SOS1: variants seen among roughly 807,000 people sequenced by gnomAD.
The protein encoded by SOS1 is SOS Ras/Rac guanine nucleotide exchange factor 1, also known as son of sevenless homolog 1.
SOS1 carries 25 observed loss-of-function variants against 157.6 expected under a neutral mutation model. That is an observed-to-expected ratio of 0.16 (90% CI 0.12 to 0.22). The LOEUF is 0.22. Among genes scored for constraint, SOS1 ranks in the 10% least tolerant of loss-of-function variants. The probability of loss-of-function intolerance (pLI) is 1.00; values close to 1 mark genes in which losing one functional copy is unlikely to be tolerated. For missense variants in SOS1, 1,237 were observed against 1,599.1 expected, an observed-to-expected ratio of 0.77 and a Z score of 3.86; for synonymous variants, 528 against 534.0, an observed-to-expected ratio of 0.99 and a Z score of 0.16.
chr2:39,006,158 G>T (rs1477431920), intron 17 of SOS1, among the ~76,000 whole-genome samples: 2 of 152,116 alleles, frequency 1.3e-5, no homozygotes, highest in African/African-American at 4.8e-5. Context: ...AATTAAAAAG[G>T]CTTTTATAAA....
At chr2:39,062,344 G>GGA (rs917077612) in intron 2 of SOS1, among the ~76,000 whole-genome samples, 6 of 151,382 alleles carry the variant, frequency 4.0e-5, no homozygotes, top group African/African-American at 1.5e-4. Flanking sequence ...CTTGAACCTG[G>GGA]GAGGCGAAAG....
intron 1 of SOS1, among the ~76,000 whole-genome samples, chr2:39,084,765 TATC>T (rs1672317303): frequency 6.6e-6 from 1 of 152,216 alleles, no homozygotes; most frequent in Non-Finnish European, 1.5e-5. Flanking sequence ...GCTAAATTCA[TATC>T]ATTTTTCATG....
intron 17 of SOS1, among the ~76,000 whole-genome samples, chr2:39,002,311 G>A (rs564099327): frequency 6.6e-6 from 1 of 151,880 alleles, no homozygotes; most frequent in South Asian, 2.1e-4. Context: ...GGCAACAAAA[G>A]TGAAACTGTC....
chr2:39,015,826 T>TA (rs1553354982), intron 10 of SOS1, among the ~76,000 whole-genome samples: 2 of 148,720 alleles, frequency 1.3e-5, no homozygotes, highest in Admixed American at 6.7e-5. Context: ...TTTTTTTTTT[T>TA]AAGGAGGGGA....
At chr2:39,068,711 A>G (rs1671677279) in intron 1 of SOS1, among the ~76,000 whole-genome samples, 1 of 151,362 alleles carries the variant, frequency 6.6e-6, no homozygotes, top group South Asian at 2.1e-4. Flanking sequence ...TTTTTTTATG[A>G]AAAGTTTTAC....
intron 1 of SOS1, among the ~76,000 whole-genome samples, chr2:39,097,851 C>A (rs933920808): frequency 3.3e-5 from 5 of 152,188 alleles, no homozygotes; most frequent in South Asian, 2.1e-4. Flanking sequence ...AGGTGTGAGC[C>A]ACTTTGCCCA....
At chr2:39,098,863 A>T (rs1672865716) in intron 1 of SOS1, among the ~76,000 whole-genome samples, 2 of 152,278 alleles carry the variant, frequency 1.3e-5, no homozygotes, top group South Asian at 2.1e-4. Context: ...CACTCCAGCC[A>T]GGGCAACAAA....
In SOS1 at chr2:39,087,153, G is replaced by A. The variant is rs148179948; in HGVS notation, c.88-19400C>T. 1.4e-3 allele frequency among the ~76,000 whole-genome samples: 212 copies of A among 152,088 alleles called. 1 individual carries two copies. The highest frequency in any genetic ancestry group is 4.7e-3 in the African/African-American group (194 of 41,468). On this transcript the variant is annotated intron_variant, in intron 1 of 22. Transcript: ENST00000402219. ...TTATAGTATTATGCACAAATGGTTG[G>A]GTATAGAGGCCGCTTCAATGCAAGG...
chr2:39,020,812 G>A (rs1328627761), intron 10 of SOS1, among the ~76,000 whole-genome samples: 1 of 151,642 alleles, frequency 6.6e-6, no homozygotes, highest in Non-Finnish European at 1.5e-5. Flanking sequence ...CACGAAAGCT[G>A]CTTGTAGACT....
At chr2:39,030,282 G>T (rs928758946) in intron 8 of SOS1, among the ~76,000 whole-genome samples, 1 of 138,198 alleles carries the variant, frequency 7.2e-6, no homozygotes, top group African/African-American at 2.7e-5. Context: ...GGAAAGAAAA[G>T]GCTGGGTGCA....
intron 8 of SOS1, among the ~76,000 whole-genome samples, chr2:39,028,176 C>T (rs747902107): frequency 6.6e-6 from 1 of 152,078 alleles, no homozygotes; most frequent in African/African-American, 2.4e-5. Context: ...TAACTTTTCA[C>T]AAGAAAGAAA....
chr2:39,117,074 G>A (rs535833975), intron 1 of SOS1, among the ~76,000 whole-genome samples: 126 of 149,560 alleles, frequency 8.4e-4, no homozygotes, highest in African/African-American at 2.6e-3. Context: ...TGTTGCCCAG[G>A]TTGGAGTGCA....
intron 1 of SOS1, 124 bp downstream of exon 1, chr2:39,120,212 C>T: frequency 2.3e-6 from 2 of 867,356 alleles, no homozygotes; most frequent in Non-Finnish European, 3.2e-6. Flanking sequence ...GTGCGCCGTC[C>T]TTTTGGAGAC....
In SOS1 at chr2:38,985,585, TC is replaced by T; in HGVS notation, c.*238del. The T allele has an allele frequency of 2.0e-6, 1 of 494,624 alleles. No individual in the cohort carries two copies. The allele number at this position is 494,624 out of a possible 1,614,324, so 30.6% of individuals were successfully genotyped here. A position where few individuals can be genotyped will look rare whatever the true frequency, so the allele number is the denominator to read the frequency against. ...GCCAGAAAAAGTCCCTTTATGATTTTCAGGTGCAATCAGTTGTCCAATTCCT... is the reference window on the plus strand; with the variant it reads ...GCCAGAAAAAGTCCCTTTATGATTTTAGGTGCAATCAGTTGTCCAATTCCT... On this transcript the variant is annotated 3_prime_UTR_variant, in exon 23 of 23. Coordinates refer to ENST00000402219, the MANE Select transcript of SOS1 (RefSeq NM_005633.4).
chr2:39,109,210 A>G (rs1673322708), intron 1 of SOS1, among the ~76,000 whole-genome samples: 1 of 152,180 alleles, frequency 6.6e-6, no homozygotes, highest in Non-Finnish European at 1.5e-5. Context: ...AAAAAATAAA[A>G]TAATAAAATG....
At position 39,004,392 on chromosome 2, in the gene SOS1, G is replaced by A. The variant is rs144054948; in HGVS notation, c.2791+2020C>T. The stretch of plus-strand genomic sequence containing the variant: ...ACTGCATTCCAGCCTGGGTGACAGA[G>A]CAAGACTCTGTGTCAAAAAAAAAAA... On this transcript the variant is annotated intron_variant, in intron 17 of 22. Transcript: ENST00000402219. 1.2e-4 allele frequency among the ~76,000 whole-genome samples: 13 copies of A among 107,250 alleles called. No homozygotes were observed. In the East Asian group the frequency reaches 2.7e-3, roughly 22 times the overall value. The allele number at this position is 107,250 out of a possible 152,430, so 70.4% of individuals were successfully genotyped here. A position where few individuals can be genotyped will look rare whatever the true frequency, so the allele number is the denominator to read the frequency against.
chr2:38,987,495 G>A lies in SOS1; in HGVS notation c.3488C>T (p.Pro1163Leu), dbSNP rs771240089. 6.3e-7 allele frequency: 1 copy of A among 1,582,100 alleles called. No homozygotes were observed. ...TACCTTAGATGGTGAAGATTCTGCT[G>A]GGGCAGATTCTGGTCGTCTTCGTGG... ...VPPRRRPESA[P>L]AESSPSKIMS... Residue 1163 changes from proline to leucine, a missense_variant, in exon 22 of 23, where the codon CCA becomes CTA. Pro to Leu is a moderately conservative substitution (Grantham distance 98). Coordinates refer to ENST00000402219, the MANE Select transcript of SOS1 (RefSeq NM_005633.4).
At chr2:39,093,592 G>A (rs1278793109) in intron 1 of SOS1, among the ~76,000 whole-genome samples, 1 of 152,208 alleles carries the variant, frequency 6.6e-6, no homozygotes, top group Non-Finnish European at 1.5e-5. Flanking sequence ...GTTAAGAAAT[G>A]AGAGGGAATG....
intron 1 of SOS1, among the ~76,000 whole-genome samples, chr2:39,074,258 G>A (rs1253054220): frequency 2.0e-5 from 3 of 151,620 alleles, no homozygotes; most frequent in Non-Finnish European, 4.4e-5. Context: ...GCTGAGACAG[G>A]AGAATCGCTT....
Sources: gnomAD v4.1 joint callset for allele counts (sites outside exome capture counted in the v4.1 genomes callset) on GRCh38, gnomAD v4.1.1 for gene constraint, MANE v1.5 for transcripts, NCBI Gene and HGNC (gene_info 2026-07-23, HGNC 2026-07-21) for gene names.